Variants in SORCS1 observed in about 807,000 individuals in gnomAD.
The protein encoded by SORCS1 is sortilin related VPS10 domain containing receptor 1, also known as VPS10 domain-containing receptor SorCS1.
A neutral mutation model predicts 146.1 loss-of-function variants in SORCS1; 60 were observed. That is an observed-to-expected ratio of 0.41 (90% CI 0.33 to 0.51). SORCS1 has a LOEUF of 0.51. SORCS1 is among the 20% of genes least tolerant of loss of function. The pLI is 0.21. For missense variants in SORCS1, 1,352 were observed against 1,487.6 expected (o/e 0.91, Z 1.50); for synonymous variants, 637 against 584.0 (o/e 1.09, Z -1.31).
chr10:106,607,116 A>G, intron 23 of SORCS1, 50 bp downstream of exon 23: 1 of 1,596,646 alleles, frequency 6.3e-7, no homozygotes, highest in Non-Finnish European at 8.5e-7. Flanking sequence ...AAAGTTGAAG[A>G]CTCCACAAAC....
intron 1 of SORCS1, among the ~76,000 whole-genome samples, chr10:107,071,135 A>G (rs1962387045): frequency 6.6e-6 from 1 of 152,172 alleles, no homozygotes; most frequent in Non-Finnish European, 1.5e-5. Context: ...TCAAGTTGCC[A>G]AAAGAGGGAG....
At position 106,607,236 on chromosome 10, in the gene SORCS1, G is replaced by A; in HGVS notation, c.3095C>T (p.Ala1032Val). The A allele has an allele frequency of 1.9e-6, 3 of 1,614,146 alleles. No individual in the cohort carries two copies. Among genetic ancestry groups the A allele is most frequent in the Non-Finnish European group, 2.5e-6 (3 of 1,179,992 alleles). ...CTGATAGGGTAGGACAAAGAGTTCAGCAGTGGTGGGTAAGCCAGGGAGCAC... is the reference window on the plus strand; with the variant it reads ...CTGATAGGGTAGGACAAAGAGTTCAACAGTGGTGGGTAAGCCAGGGAGCAC... Reference protein sequence around the residue: ...VAVLPGLPTTAELFVLPYQDP... With the variant: ...VAVLPGLPTTVELFVLPYQDP... Residue 1032 changes from alanine (A) to valine (V), a missense_variant, in exon 23 of 26, where the codon GCT (alanine) becomes GTT (valine). Ala to Val is a moderately conservative substitution (Grantham distance 64, BLOSUM62 0). This residue lies in a region of SORCS1 where 214 missense variants were observed against 204.8 expected (regional missense o/e 1.05). Transcript: ENST00000263054.
chr10:107,104,203 T>C lies in SORCS1; in HGVS notation c.558+59766A>G, dbSNP rs1241020020. Among the ~76,000 whole-genome samples, 3 of 152,184 alleles carry C rather than the reference T, an allele frequency of 2.0e-5. No individual in the cohort carries two copies. In the East Asian group the frequency reaches 5.8e-4, roughly 29 times the overall value. On this transcript the variant is annotated intron_variant, in intron 1 of 25. Transcript: ENST00000263054. The stretch of plus-strand genomic sequence containing the variant: ...GCCTCAAGGTGCTAAGTGATACTGT[T>C]AGGAATTAGTCTCTCCCTACCTCTC...
chr10:106,780,867 G>A (rs1303357213), intron 3 of SORCS1, among the ~76,000 whole-genome samples: 2 of 151,992 alleles, frequency 1.3e-5, no homozygotes, highest in Non-Finnish European at 2.9e-5. Context: ...CCAACTCCAA[G>A]CAATCATTCA....
At chr10:106,699,608 G>C (rs1853977363) in intron 8 of SORCS1, among the ~76,000 whole-genome samples, 1 of 152,162 alleles carries the variant, frequency 6.6e-6, no homozygotes, top group African/African-American at 2.4e-5. Flanking sequence ...TGAGAAAATA[G>C]GATGAAGGGA....
At chr10:106,797,471 A>G (rs1489707348) in intron 3 of SORCS1, among the ~76,000 whole-genome samples, 1 of 152,148 alleles carries the variant, frequency 6.6e-6, no homozygotes, top group Non-Finnish European at 1.5e-5. Context: ...ATTTTCTTCT[A>G]AACTCTGAAT....
At chr10:106,814,374 C>G (rs1047392874) in intron 3 of SORCS1, among the ~76,000 whole-genome samples, 1 of 152,274 alleles carries the variant, frequency 6.6e-6, no homozygotes, top group African/African-American at 2.4e-5. Context: ...AAAAACTAAC[C>G]TTCCAGACAA....
intron 1 of SORCS1, among the ~76,000 whole-genome samples, chr10:106,984,899 G>A (rs1956398140): frequency 6.6e-6 from 1 of 151,920 alleles, no homozygotes; most frequent in Non-Finnish European, 1.5e-5. Flanking sequence ...AAAATATAGG[G>A]CAAGCAGGCC....
intron 1 of SORCS1, among the ~76,000 whole-genome samples, chr10:107,030,893 G>T (rs1958621682): frequency 6.6e-6 from 1 of 152,222 alleles, no homozygotes; most frequent in African/African-American, 2.4e-5. Flanking sequence ...GCAGAAGAAT[G>T]AATGAAAAGG....
chr10:107,120,895 A>G (rs1290850483), intron 1 of SORCS1, among the ~76,000 whole-genome samples: 2 of 152,242 alleles, frequency 1.3e-5, no homozygotes, highest in Non-Finnish European at 1.5e-5. Flanking sequence ...CTCAAGTGAA[A>G]AAAAAGCAAG....
intron 2 of SORCS1, among the ~76,000 whole-genome samples, chr10:106,843,251 C>G (rs1949132794): frequency 6.6e-6 from 1 of 152,054 alleles, no homozygotes; most frequent in Admixed American, 6.6e-5. Context: ...TTTCCACTTT[C>G]TCCCAACCCC....
At chr10:106,688,857 T>G (rs1853079213) in intron 9 of SORCS1, among the ~76,000 whole-genome samples, 1 of 151,960 alleles carries the variant, frequency 6.6e-6, no homozygotes, top group Admixed American at 6.6e-5. Flanking sequence ...GACTCAGGAT[T>G]ATTAACCCAC....
chr10:106,883,635 G>A (rs937948423), intron 2 of SORCS1, among the ~76,000 whole-genome samples: 5 of 151,980 alleles, frequency 3.3e-5, no homozygotes, highest in Admixed American at 6.6e-5. Flanking sequence ...GGATGGTCTC[G>A]ATCTCCTGAC....
intron 1 of SORCS1, among the ~76,000 whole-genome samples, chr10:106,979,950 T>C (rs1317119972): frequency 2.0e-5 from 3 of 152,242 alleles, no homozygotes; most frequent in African/African-American, 4.8e-5. Flanking sequence ...CCCAGCCACA[T>C]GGTAGTCCTT....
intron 2 of SORCS1, among the ~76,000 whole-genome samples, chr10:106,943,995 T>G (rs1211087281): frequency 6.6e-6 from 1 of 152,182 alleles, no homozygotes; most frequent in African/African-American, 2.4e-5. Flanking sequence ...CAACTGGTCC[T>G]GTGCTTCTTT....
intron 20 of SORCS1, 28 bp downstream of exon 20, chr10:106,620,400 C>A: frequency 1.9e-6 from 3 of 1,601,868 alleles, no homozygotes; most frequent in Non-Finnish European, 2.6e-6. Flanking sequence ...GCTTCTGTCC[C>A]TAGATCGCAT....
intron 21 of SORCS1, among the ~76,000 whole-genome samples, chr10:106,612,933 C>T (rs901241602): frequency 2.6e-5 from 4 of 152,106 alleles, no homozygotes; most frequent in African/African-American, 4.8e-5. Flanking sequence ...ACTGTCCATG[C>T]ACAAAATATT....
chr10:106,728,631 A>C (rs1856376278), intron 6 of SORCS1, among the ~76,000 whole-genome samples: 1 of 152,164 alleles, frequency 6.6e-6, no homozygotes, highest in Non-Finnish European at 1.5e-5. Context: ...GTAATGAAAA[A>C]TGTGTGGTTT....
chr10:106,707,387 G>C (rs980009489), intron 7 of SORCS1, among the ~76,000 whole-genome samples: 1 of 151,906 alleles, frequency 6.6e-6, no homozygotes, highest in Admixed American at 6.6e-5. Flanking sequence ...GATGGTGGGG[G>C]GGAGGGTTTC....
Sources: allele counts gnomAD v4.1 joint callset (sites outside exome capture counted in the v4.1 genomes callset), GRCh38; gene constraint gnomAD v4.1.1; regional missense constraint gnomAD v4.1.1; transcripts MANE v1.5; gene names NCBI Gene and HGNC (gene_info 2026-07-23, HGNC 2026-07-21).